TBC1D30: variants seen among roughly 807,000 people sequenced by gnomAD.
The protein encoded by TBC1D30 is TBC1 domain family member 30, also known as TBC1 domain family, member 30.
TBC1D30 carries 31 observed loss-of-function variants against 63.2 expected under a neutral mutation model. The observed-to-expected ratio is 0.49, with a 90% CI of 0.37 to 0.66. The LOEUF is 0.66. Among genes scored for constraint, TBC1D30 ranks in the 30% least tolerant of loss-of-function variants. TBC1D30 has a pLI of 0.00. For synonymous variants in TBC1D30, 307 were observed against 361.5 expected (o/e 0.85, Z 1.71); for missense variants, 810 against 953.6 (o/e 0.85, Z 1.98).
chr12:64,837,335 T>C (rs1448230192), intron 6 of TBC1D30, among the ~76,000 whole-genome samples: 6 of 152,068 alleles, frequency 3.9e-5, no homozygotes, highest in African/African-American at 1.2e-4. Flanking sequence ...TATTATTACA[T>C]TGTAATACAT....
chr12:64,819,406 CTTTTTTTTTTTTTTT>C (rs55757950), intron 2 of TBC1D30, among the ~76,000 whole-genome samples: 41 of 78,024 alleles, frequency 5.3e-4, no homozygotes, highest in African/African-American at 1.5e-3. Context: ...GAAGGAACTA[CTTTTTTTTTTTTTTT>C]TTTTTTTTTT....
chr12:64,828,537 C>G (rs759442691), intron 3 of TBC1D30, 28 bp downstream of exon 3: 45 of 1,451,950 alleles, frequency 3.1e-5, no homozygotes, highest in Non-Finnish European at 3.8e-5. Context: ...GGCTAGAATA[C>G]AGAAGGATCA....
At chr12:64,869,785 A>G (rs969635447) in intron 10 of TBC1D30, among the ~76,000 whole-genome samples, 2 of 152,166 alleles carry the variant, frequency 1.3e-5, no homozygotes, top group African/African-American at 4.8e-5. Flanking sequence ...TAAAAAAATG[A>G]ATTTCTGAGA....
At chr12:64,784,948 T>G (rs890493236) in intron 1 of TBC1D30, among the ~76,000 whole-genome samples, 1 of 152,176 alleles carries the variant, frequency 6.6e-6, no homozygotes, top group Non-Finnish European at 1.5e-5. Context: ...TAAAGGAAAT[T>G]TATTTTCTAC....
chr12:64,875,556 C>T lies in TBC1D30; in HGVS notation c.2054C>T (p.Pro685Leu), dbSNP rs935590395. The T allele has an allele frequency of 8.7e-5, 134 of 1,535,980 alleles. No homozygotes were observed. Among genetic ancestry groups the T allele is most frequent in the Non-Finnish European group, 1.1e-4 (121 of 1,146,924 alleles). ...CCCTGCCAGCGGCACTGCCCAGAGC[C>T]GCCGAGTGCACCCGAAGAAAACAAA... is the stretch of plus-strand genomic sequence containing the variant. ...HPPCQRHCPE[P>L]PSAPEENKAT... Residue 685 changes from proline to leucine, a missense_variant, in exon 12 of 12, where the codon CCG (proline) becomes CTG (leucine). This residue lies in a region of TBC1D30 where 450 missense variants were observed against 473.0 expected (regional missense o/e 0.95). Transcript: ENST00000539867.
intron 1 of TBC1D30, among the ~76,000 whole-genome samples, chr12:64,761,723 C>T (rs1465058020): frequency 2.0e-5 from 3 of 152,204 alleles, no homozygotes; most frequent in Non-Finnish European, 2.9e-5. Context: ...AAGAAATAAC[C>T]ATAAAAATGG....
chr12:64,834,856 A>G (rs1875203979), intron 5 of TBC1D30, among the ~76,000 whole-genome samples: 1 of 151,820 alleles, frequency 6.6e-6, no homozygotes. Flanking sequence ...TTAGTATGAT[A>G]ATTGAAGAAT....
At chr12:64,827,029 C>T (rs1874417297) in intron 1 of TBC1D30, among the ~76,000 whole-genome samples, 1 of 152,192 alleles carries the variant, frequency 6.6e-6, no homozygotes, top group Non-Finnish European at 1.5e-5. Flanking sequence ...GTTTTTAGTA[C>T]ACCTAATCTA....
intron 1 of TBC1D30, among the ~76,000 whole-genome samples, chr12:64,826,363 C>A (rs1479566131): frequency 6.6e-6 from 1 of 152,194 alleles, no homozygotes; most frequent in African/African-American, 2.4e-5. Context: ...TGATGCCCAG[C>A]AGGTGCCCCG....
chr12:64,827,485 C>G (rs1243353823), intron 1 of TBC1D30, among the ~76,000 whole-genome samples: 1 of 152,104 alleles, frequency 6.6e-6, no homozygotes, highest in Non-Finnish European at 1.5e-5. Context: ...GGAATTGAGA[C>G]TGAGATAGGT....
At chr12:64,780,498 C>G (rs564238087), upstream of TBC1D30, among the ~76,000 whole-genome samples, 115 of 152,384 alleles carry the variant, frequency 7.5e-4, no homozygotes, top group African/African-American at 2.8e-3. Context: ...TTCTTCCCAA[C>G]GGTGTTCTGG....
chr12:64,778,362 C>A (rs575294074), upstream of TBC1D30, among the ~76,000 whole-genome samples: 1 of 151,834 alleles, frequency 6.6e-6, no homozygotes, highest in Non-Finnish European at 1.5e-5. Flanking sequence ...AAAATTCCTG[C>A]GCTCGGAAGC....
intron 8 of TBC1D30, among the ~76,000 whole-genome samples, chr12:64,861,281 G>A (rs966898595): frequency 6.6e-6 from 1 of 152,156 alleles, no homozygotes; most frequent in Non-Finnish European, 1.5e-5. Context: ...GTCTATTTAA[G>A]TGTATGTTGG....
chr12:64,867,346 G>A (rs548891847), intron 10 of TBC1D30, among the ~76,000 whole-genome samples: 2 of 151,956 alleles, frequency 1.3e-5, no homozygotes, highest in Non-Finnish European at 2.9e-5. Flanking sequence ...TGTAGTCCCA[G>A]CTGCTTGGGA....
At chr12:64,833,936 T>G (rs925120535) in intron 5 of TBC1D30, among the ~76,000 whole-genome samples, 1 of 151,972 alleles carries the variant, frequency 6.6e-6, no homozygotes, top group African/African-American at 2.4e-5. Flanking sequence ...TTGGAATAAG[T>G]GAATCAAGTT....
intron 8 of TBC1D30, among the ~76,000 whole-genome samples, chr12:64,852,925 AC>A (rs2136429546): frequency 6.6e-6 from 1 of 152,006 alleles, no homozygotes; most frequent in South Asian, 2.1e-4. Flanking sequence ...GTGTCTGTTG[AC>A]CCCTGCTGGG....
Position 64,862,557 on chromosome 12 carries a change from C to T in TBC1D30, c.1039-2111C>T, listed in dbSNP as rs1229043837. Among the ~76,000 whole-genome samples, 5 of 152,108 alleles carry T rather than the reference C, an allele frequency of 3.3e-5. No individual in the cohort carries two copies. In the East Asian group the frequency reaches 9.6e-4, roughly 29 times the overall value. On this transcript the variant is annotated intron_variant, in intron 8 of 11. Transcript: ENST00000539867. The stretch of plus-strand genomic sequence containing the variant: ...GTGCAGTAGGGGGAGGATGTACTTC[C>T]CTGTTCCTCTTATGAACTTCCTTCA...
At chr12:64,866,953 C>A in intron 10 of TBC1D30, 50 bp downstream of exon 10, 2 of 1,524,906 alleles carry the variant, frequency 1.3e-6, no homozygotes, top group African/African-American at 1.4e-5. Flanking sequence ...TGGTTTACTA[C>A]AATAAGAGTG....
intron 1 of TBC1D30, among the ~76,000 whole-genome samples, chr12:64,773,404 C>T (rs527258595): frequency 6.6e-6 from 1 of 152,226 alleles, no homozygotes; most frequent in East Asian, 1.9e-4. Flanking sequence ...CCTAGCCATT[C>T]CAGCCTCTAG....
Sources: gnomAD v4.1 joint callset for allele counts (sites outside exome capture counted in the v4.1 genomes callset) on GRCh38, gnomAD v4.1.1 for gene constraint, gnomAD v4.1.1 regional missense constraint, MANE v1.5 for transcripts, NCBI Gene and HGNC (gene_info 2026-07-23, HGNC 2026-07-21) for gene names.